USP14: variants seen among roughly 807,000 people sequenced by gnomAD.
USP14 encodes the protein ubiquitin specific peptidase 14, also known as ubiquitin carboxyl-terminal hydrolase 14.
Under a neutral mutation model 76.5 loss-of-function variants are expected in USP14, and 38 were observed. That is an observed-to-expected ratio of 0.50 (90% confidence interval 0.38 to 0.65). The LOEUF (loss-of-function observed/expected upper bound fraction) is 0.65. Among genes scored for constraint, USP14 ranks in the 30% least tolerant of loss-of-function variants. USP14 has a pLI of 0.00. For missense variants in USP14, 467 were observed against 586.5 expected, an observed-to-expected ratio of 0.80 and a Z score of 2.10; for synonymous variants, 192 against 191.7, an observed-to-expected ratio of 1.00 and a Z score of -0.01.
intron 5 of USP14, 97 bp downstream of exon 5, chr18:180,436 T>A: frequency 2.8e-6 from 2 of 717,754 alleles, no homozygotes; most frequent in Non-Finnish European, 4.7e-6. Context: ...GAGATATAAT[T>A]AATTTATTAT....
chr18:179,206 A>G (rs944166989), intron 4 of USP14, among the ~76,000 whole-genome samples, 169 bp downstream of exon 4: 1 of 152,136 alleles, frequency 6.6e-6, no homozygotes, highest in African/African-American at 2.4e-5. Context: ...AGCTTAAGGG[A>G]GTCCTTCTGT....
intron 1 of USP14, among the ~76,000 whole-genome samples, chr18:160,720 T>A (rs945133697): frequency 2.6e-5 from 4 of 152,234 alleles, no homozygotes; most frequent in African/African-American, 9.6e-5. Flanking sequence ...TAGTACTGTT[T>A]TGGTTTAATC....
At chr18:184,758 G>A (rs1909882597) in intron 5 of USP14, among the ~76,000 whole-genome samples, 1 of 152,142 alleles carries the variant, frequency 6.6e-6, no homozygotes, top group South Asian at 2.1e-4. Context: ...ATAGAGTGAG[G>A]CCCTGTCTCA....
chr18:160,880 A>G (rs537152532), intron 1 of USP14, among the ~76,000 whole-genome samples: 1 of 152,288 alleles, frequency 6.6e-6, no homozygotes, highest in African/African-American at 2.4e-5. Flanking sequence ...ACAGCCTTTC[A>G]GGAATTACAC....
intron 13 of USP14, among the ~76,000 whole-genome samples, chr18:208,823 GCAA>G (rs1910595391): frequency 2.0e-5 from 3 of 152,228 alleles, no homozygotes; most frequent in Non-Finnish European, 4.4e-5. Context: ...CCGGCTCAGT[GCAA>G]CCTCTGCCTC....
intron 5 of USP14, among the ~76,000 whole-genome samples, chr18:192,593 C>T (rs1028345901): frequency 1.1e-4 from 16 of 151,992 alleles, no homozygotes; most frequent in African/African-American, 2.4e-4. Flanking sequence ...ATAAAATGTT[C>T]GTTTTATATG....
chr18:171,025 A>AAAAAAT (rs1327304974), intron 3 of USP14, among the ~76,000 whole-genome samples: 7 of 47,648 alleles, frequency 1.5e-4, no homozygotes, highest in African/African-American at 5.2e-4. Flanking sequence ...AAAAAAAAAA[A>AAAAAAT]ATATATATAT....
chr18:206,675 A>T (rs1910536705), intron 13 of USP14, among the ~76,000 whole-genome samples: 1 of 152,146 alleles, frequency 6.6e-6, no homozygotes, highest in African/African-American at 2.4e-5. Flanking sequence ...TGAGACAGGC[A>T]GATCACTTGA....
intron 10 of USP14, among the ~76,000 whole-genome samples, chr18:201,768 A>G (rs1392648617): frequency 6.6e-6 from 1 of 152,162 alleles, no homozygotes; most frequent in Non-Finnish European, 1.5e-5. Context: ...GTATAGGAAA[A>G]CCGAACATAC....
At chr18:202,759 A>G in intron 10 of USP14, 121 bp from the exon 11 acceptor site, 1 of 823,598 alleles carries the variant, frequency 1.2e-6, no homozygotes, top group South Asian at 1.7e-5. Context: ...AAACCCATTG[A>G]TGTACTGTAT....
chr18:173,633 G>A (rs1247800011), intron 3 of USP14, among the ~76,000 whole-genome samples: 4 of 151,598 alleles, frequency 2.6e-5, no homozygotes, highest in Non-Finnish European at 5.9e-5. Flanking sequence ...ATGTTGGTCA[G>A]GCTGGTCTTG....
At chr18:196,799 A>G (rs1386102164) in intron 7 of USP14, 32 bp downstream of exon 7, 11 of 1,607,592 alleles carry the variant, frequency 6.8e-6, no homozygotes, top group Non-Finnish European at 8.5e-6. Context: ...TCATTCTGTA[A>G]ATGTAAAACT....
chr18:190,536 G>T (rs951304405), intron 5 of USP14, among the ~76,000 whole-genome samples: 3 of 152,084 alleles, frequency 2.0e-5, no homozygotes, highest in Admixed American at 6.6e-5. Flanking sequence ...TGTTATAAAT[G>T]TACTTTATTT....
intron 5 of USP14, among the ~76,000 whole-genome samples, chr18:184,415 T>G (rs1909871788): frequency 6.6e-6 from 1 of 152,202 alleles, no homozygotes; most frequent in South Asian, 2.1e-4. Context: ...AAGACCATCC[T>G]CACAAATACT....
chr18:171,163 A>C (rs2144220570), intron 3 of USP14, among the ~76,000 whole-genome samples: 1 of 151,584 alleles, frequency 6.6e-6, no homozygotes, highest in African/African-American at 2.4e-5. Flanking sequence ...AGCTGCAGTA[A>C]GTTATCCAGA....
intron 13 of USP14, among the ~76,000 whole-genome samples, chr18:205,774 C>G (rs1184869713): frequency 1.3e-5 from 2 of 152,104 alleles, no homozygotes; most frequent in Admixed American, 6.5e-5. Flanking sequence ...AAGCAAGACT[C>G]TGTTTCTAAA....
chr18:210,674 CTG>C (rs1474785408), intron 15 of USP14, among the ~76,000 whole-genome samples, 181 bp downstream of exon 15: 1 of 152,054 alleles, frequency 6.6e-6, no homozygotes, highest in Non-Finnish European at 1.5e-5. Flanking sequence ...GAAATTAAAA[CTG>C]AGAAATTAAG....
rs1910631424 is a variant in USP14, at chr18:210,144, G to C, written c.1225+113G>C. ...GATGTGCTTTTCAAACAAAATGTCAGGTTTCTTGAACAATTTACCTTAATG... is the reference window on the plus strand; with the variant it reads ...GATGTGCTTTTCAAACAAAATGTCACGTTTCTTGAACAATTTACCTTAATG... On this transcript the variant is annotated intron_variant, in intron 14 of 15. Transcript: ENST00000261601. 13 of 924,668 alleles carry C rather than the reference G, an allele frequency of 1.4e-5. 1 individual carries two copies. The South Asian group carries it at 2.3e-4, about 17-fold the overall frequency. The allele number at this position is 924,668 out of a possible 1,614,324, so 57.3% of individuals were successfully genotyped here. A position where few individuals can be genotyped will look rare whatever the true frequency, so the allele number is the denominator to read the frequency against.
chr18:185,268 T>C (rs1045686881), intron 5 of USP14, among the ~76,000 whole-genome samples: 4 of 152,112 alleles, frequency 2.6e-5, no homozygotes, highest in Admixed American at 2.0e-4. Context: ...GAGCAATTCT[T>C]CTGTCTCAGC....
Sources: allele counts gnomAD v4.1 joint callset (sites outside exome capture counted in the v4.1 genomes callset), GRCh38; gene constraint gnomAD v4.1.1; transcripts MANE v1.5; gene names NCBI Gene and HGNC (gene_info 2026-07-23, HGNC 2026-07-21).